The following ADSS1 variants were observed in gnomAD, a reference collection of about 807,000 sequenced individuals.
ADSS1 encodes the protein adenylosuccinate synthetase isozyme 1.
ADSS1 carries 57 observed loss-of-function variants against 59.1 expected under a neutral mutation model. The observed-to-expected ratio is 0.97, with a 90% CI of 0.78 to 1.20. The LOEUF is 1.20. Among genes scored for constraint, ADSS1 ranks in the 50% most tolerant of loss-of-function variants. ADSS1 has a pLI of 0.00. For synonymous variants in ADSS1, 247 were observed against 249.4 expected (o/e 0.99, Z 0.09); for missense variants, 603 against 610.3 (o/e 0.99, Z 0.13).
intron 1 of ADSS1, among the ~76,000 whole-genome samples, chr14:104,728,769 G>A (rs1436499682): frequency 6.6e-6 from 1 of 152,202 alleles, no homozygotes; most frequent in Non-Finnish European, 1.5e-5. Context: ...GCGTGAGCTC[G>A]CTGACAGCCA....
In ADSS1 at chr14:104,741,954, C is replaced by T; in HGVS notation, c.900C>T (p.Ala300=). The change falls in exon 9 of 13, where the codon GCC becomes GCT. Residue 300 remains alanine (A), a synonymous_variant. Coordinates refer to ENST00000330877, the MANE Select transcript of ADSS1 (RefSeq NM_152328.5). ...NIGDVYGVVK[A]YTTRVGIGAF... is the part of the protein sequence containing the mutation. ...GTGACGTGTATGGCGTGGTGAAAGC[C>T]TATACCACACGTGTGGGCATCGGGG... The T allele has an allele frequency of 3.1e-6, 5 of 1,613,362 alleles. No individual in the cohort carries two copies. The highest frequency in any genetic ancestry group is 1.3e-5 in the African/African-American group (1 of 75,052).
In ADSS1 at chr14:104,740,814, G is replaced by T. The variant is rs549210865; in HGVS notation, c.585-25G>T. 2 of 1,613,654 alleles carry T rather than the reference G, an allele frequency of 1.2e-6. No homozygotes were observed. Among genetic ancestry groups the T allele is most frequent in the Non-Finnish European group, 1.7e-6 (2 of 1,179,784 alleles). On this transcript the variant is annotated intron_variant, in intron 6 of 12. Transcript: ENST00000330877. This position sits in a 1 kb window ranked among gnomAD's most constrained non-coding sequence, Gnocchi z 4.8. ...GGACCAGCATGGACCATGACAGGGG[G>T]TGATGATGACTGTCCCTTGTGCAGA... is the stretch of plus-strand genomic sequence containing the variant.
chr14:104,736,292 A>G (rs1891119144), intron 2 of ADSS1, among the ~76,000 whole-genome samples: 1 of 152,212 alleles, frequency 6.6e-6, no homozygotes, highest in Non-Finnish European at 1.5e-5. Context: ...ACTGGGCAGT[A>G]GCGCTGGCTG....
rs1440215361 is a variant in ADSS1 at position 104,736,883 on chromosome 14, TATATATATATATATA to T, written c.296-1492_296-1478del. 3.6e-4 allele frequency among the ~76,000 whole-genome samples: 16 copies of T among 44,142 alleles called. 1 individual carries two copies. Among genetic ancestry groups the T allele is most frequent in the African/African-American group, 2.1e-3 (16 of 7,760 alleles). 29.0% of individuals were successfully genotyped at this position (44,142 alleles called of 152,430 possible). ...GGCTTATGCCACCGCACCTAGCTGA[TATATATATATATATA>T]TATATATATATATATGCATTTTTTT... On this transcript the variant is annotated intron_variant, in intron 2 of 12. Coordinates refer to ENST00000330877, the MANE Select transcript of ADSS1 (RefSeq NM_152328.5).
At chr14:104,743,283 C>T in intron 10 of ADSS1, 92 bp downstream of exon 10, 2 of 1,541,008 alleles carry the variant, frequency 1.3e-6, no homozygotes, top group South Asian at 2.3e-5. Flanking sequence ...GGCTGAGGGC[C>T]ACCAAGTCTC....
intron 4 of ADSS1, 95 bp downstream of exon 4, chr14:104,739,473 C>A (rs1285915299): frequency 1.4e-6 from 2 of 1,380,572 alleles, no homozygotes; most frequent in South Asian, 1.2e-5. Context: ...TCAGGGAAGT[C>A]CCCAAGGCCT....
In ADSS1 at chr14:104,724,382, G is replaced by C; in HGVS notation, c.112G>C (p.Gly38Arg). The change falls in exon 1 of 13, where the codon GGC becomes CGC. Residue 38 changes from glycine to arginine, a missense_variant. Coordinates refer to ENST00000330877, the MANE Select transcript of ADSS1 (RefSeq NM_152328.5). The part of the protein sequence containing the change: ...ATGSRVTVVL[G>R]AQWGDEGKGK... ...CGGCTCCCGCGTGACGGTGGTGCTG[G>C]GCGCGCAGTGGGGGGACGAGGGCAA... 8.0e-7 allele frequency: 1 copy of C among 1,256,944 alleles called. No homozygotes were observed. 77.9% of individuals were successfully genotyped at this position (1,256,944 alleles called of 1,614,324 possible). A position where few individuals can be genotyped will look rare whatever the true frequency, so the allele number is the denominator to read the frequency against.
At chr14:104,738,030 C>G (rs1891191628) in intron 2 of ADSS1, 5 of 240,394 alleles carry the variant, frequency 2.1e-5, no homozygotes, top group African/African-American at 1.1e-4. Context: ...GAGACGGAGT[C>G]TCGCTCTGTC....
chr14:104,745,922 C>CTT (rs386382410), intron 11 of ADSS1: 1 of 174,562 alleles, frequency 5.7e-6, no homozygotes, highest in African/African-American at 4.5e-5. Flanking sequence ...ATTCTAGAGT[C>CTT]TCAGAATTTC....
intron 1 of ADSS1, 103 bp downstream of exon 1, chr14:104,724,565 G>A (rs891632972): frequency 2.5e-6 from 3 of 1,177,000 alleles, no homozygotes; most frequent in Non-Finnish European, 3.1e-6. Context: ...TCACTCACCC[G>A]CTTGGATGCC....
chr14:104,741,952 GCC>G lies in ADSS1; in HGVS notation c.899_900del (p.Ala300ValfsTer72). On this transcript the variant is annotated frameshift_variant, in exon 9 of 13. Transcript: ENST00000330877. LOFTEE classifies it high-confidence loss of function. ...AGGTGACGTGTATGGCGTGGTGAAA[GCC>G]TATACCACACGTGTGGGCATCGGGG... ...NIGDVYGVVK[A>X]YTTRVGIGAF... 1 of 1,613,388 alleles carries G rather than the reference GCC, an allele frequency of 6.2e-7. No homozygotes were observed.
chr14:104,739,604 TG>T, intron 4 of ADSS1, 145 bp from the exon 5 acceptor site: 1 of 989,814 alleles, frequency 1.0e-6, no homozygotes, highest in Non-Finnish European at 1.5e-6. Context: ...CAGACACTCA[TG>T]GTCACACCCC....
intron 11 of ADSS1, 43 bp downstream of exon 11, chr14:104,744,952 A>G (rs1566803611): frequency 6.3e-7 from 1 of 1,579,078 alleles, no homozygotes; most frequent in South Asian, 1.1e-5. Context: ...GGGCCGTTTC[A>G]TGGTATTGGA....
intron 2 of ADSS1, among the ~76,000 whole-genome samples, chr14:104,735,533 C>T (rs534943752): frequency 6.1e-4 from 93 of 152,276 alleles, no homozygotes; most frequent in African/African-American, 2.0e-3. Context: ...CGCTGCGTGG[C>T]GACCAGGCTG....
chr14:104,729,962 C>T, intron 1 of ADSS1: 2 of 1,589,452 alleles, frequency 1.3e-6, no homozygotes, highest in Non-Finnish European at 1.7e-6. Flanking sequence ...GAACCTGGCC[C>T]TGACCCTCAG....
At chr14:104,742,267 G>T (rs183853066) in intron 9 of ADSS1, among the ~76,000 whole-genome samples, 3 of 152,372 alleles carry the variant, frequency 2.0e-5, no homozygotes, top group Admixed American at 2.0e-4. Context: ...CGTTCCCCTC[G>T]GAGTGTGTGA....
Position 104,740,521 on chromosome 14 carries a change from C to A in ADSS1, c.477-80C>A. 7.7e-7 allele frequency: 1 copy of A among 1,299,060 alleles called. No homozygotes were observed. The allele number at this position is 1,299,060 out of a possible 1,614,324, so 80.5% of individuals were successfully genotyped here. A position where few individuals can be genotyped will look rare whatever the true frequency, so the allele number is the denominator to read the frequency against. On this transcript the variant is annotated intron_variant, in intron 5 of 12. Coordinates refer to ENST00000330877, the MANE Select transcript of ADSS1 (RefSeq NM_152328.5). The surrounding 1 kb of genome is among the most constrained non-coding windows in gnomAD (Gnocchi z 4.8). ...GGTGGGCACTGGAGTCATGAGCCGG[C>A]GGGGGTCATGGCCTCAGTGGGATGC...
intron 10 of ADSS1, 149 bp downstream of exon 10, chr14:104,743,340 C>T (rs1891442652): frequency 1.6e-6 from 2 of 1,227,106 alleles, no homozygotes; most frequent in South Asian, 2.8e-5. Context: ...AAAGCACGGC[C>T]CAGAGGTTAG....
intron 1 of ADSS1, among the ~76,000 whole-genome samples, chr14:104,727,643 G>A (rs1890754495): frequency 6.6e-6 from 1 of 152,142 alleles, no homozygotes; most frequent in Non-Finnish European, 1.5e-5. Flanking sequence ...TTGCGTCCAT[G>A]GCGTTTCCTT....
Sources: gnomAD v4.1 joint callset for allele counts (sites outside exome capture counted in the v4.1 genomes callset) on GRCh38, gnomAD v4.1.1 for gene constraint, Gnocchi (gnomAD v3.1) non-coding constraint, MANE v1.5 for transcripts, NCBI Gene and HGNC (gene_info 2026-07-23, HGNC 2026-07-21) for gene names.